Variants in MDGA2 observed in about 807,000 individuals in gnomAD.
MDGA2 encodes MAM domain containing glycosylphosphatidylinositol anchor 2, also known as MAM domain-containing glycosylphosphatidylinositol anchor protein 2.
Under a neutral mutation model 117.8 loss-of-function variants are expected in MDGA2, and 40 were observed. The observed-to-expected ratio is 0.34, with a 90% CI of 0.26 to 0.44. The LOEUF (loss-of-function observed/expected upper bound fraction) is 0.44. Ranked by LOEUF, MDGA2 falls within the 20% of genes least tolerant of loss-of-function variation. The probability of loss-of-function intolerance (pLI) is 1.00; values close to 1 mark genes in which losing one functional copy is unlikely to be tolerated. For synonymous variants in MDGA2, 452 were observed against 439.0 expected (o/e 1.03, Z -0.37); for missense variants, 1,123 against 1,250.6 (o/e 0.90, Z 1.54).
intron 1 of MDGA2, among the ~76,000 whole-genome samples, chr14:47,557,495 C>A (rs1895706575): frequency 6.6e-6 from 1 of 152,120 alleles, no homozygotes; most frequent in Non-Finnish European, 1.5e-5. Context: ...AGAAAAGACC[C>A]TTTCATGACA....
At chr14:47,560,678 T>C (rs1402125888) in intron 1 of MDGA2, among the ~76,000 whole-genome samples, 1 of 152,198 alleles carries the variant, frequency 6.6e-6, no homozygotes, top group Non-Finnish European at 1.5e-5. Context: ...CTGTTGATAG[T>C]TTCTTTTGCT....
chr14:47,375,042 C>G (rs1430389570), intron 1 of MDGA2, among the ~76,000 whole-genome samples: 2 of 151,644 alleles, frequency 1.3e-5, no homozygotes, highest in African/African-American at 4.8e-5. Context: ...TAATTTATTT[C>G]TAAGCATTTA....
At chr14:47,565,938 G>C (rs1350081238) in intron 1 of MDGA2, among the ~76,000 whole-genome samples, 1 of 152,212 alleles carries the variant, frequency 6.6e-6, no homozygotes, top group Non-Finnish European at 1.5e-5. Flanking sequence ...GTTTGGAGTG[G>C]GGGTGGTGTT....
rs113427111 is a variant in MDGA2, at chr14:47,131,766, A to T, written c.873T>A (p.Asn291Lys). 6.3e-7 allele frequency: 1 copy of T among 1,588,470 alleles called. No individual in the cohort carries two copies. Among genetic ancestry groups the T allele is most frequent in the African/African-American group, 1.3e-5 (1 of 74,676 alleles). Reference protein sequence around the residue: ...ANYSCIASVRNVCNIPDKMVS... With the variant: ...ANYSCIASVRKVCNIPDKMVS... ...CCATCTTATCAGGAATATTACATAC[A>T]TTCCTCACTGAAGCAATGCAGCTAT... Residue 291 changes from asparagine (N) to lysine (K), a missense_variant, in exon 5 of 17, where the codon AAT (asparagine) becomes AAA (lysine). Transcript: ENST00000399232.
chr14:47,336,961 C>T (rs1158093071), intron 1 of MDGA2, among the ~76,000 whole-genome samples: 1 of 151,922 alleles, frequency 6.6e-6, no homozygotes, highest in Admixed American at 6.6e-5. Flanking sequence ...ACCATTCTTT[C>T]ATTTCTTCTT....
intron 8 of MDGA2, among the ~76,000 whole-genome samples, chr14:46,974,273 T>C (rs2138346116): frequency 6.6e-6 from 1 of 152,242 alleles, no homozygotes; most frequent in South Asian, 2.1e-4. Flanking sequence ...TTGGAAGACC[T>C]AATATTGTTA....
intron 1 of MDGA2, among the ~76,000 whole-genome samples, chr14:47,652,236 T>C (rs954103382): frequency 5.3e-5 from 8 of 152,344 alleles, no homozygotes; most frequent in African/African-American, 1.7e-4. Flanking sequence ...TTTCTTTTGC[T>C]ATAAAGTACT....
intron 2 of MDGA2, among the ~76,000 whole-genome samples, chr14:47,243,131 C>T (rs1222341970): frequency 2.0e-5 from 3 of 151,690 alleles, no homozygotes; most frequent in African/African-American, 7.2e-5. Context: ...CACCAATCAG[C>T]ACCCTGTGTT....
At chr14:47,550,700 G>A (rs1183261323) in intron 1 of MDGA2, among the ~76,000 whole-genome samples, 1 of 151,876 alleles carries the variant, frequency 6.6e-6, no homozygotes, top group Non-Finnish European at 1.5e-5. Flanking sequence ...CACTATATGA[G>A]ACTGCATCTT....
intron 1 of MDGA2, among the ~76,000 whole-genome samples, chr14:47,428,255 T>C (rs1298872931): frequency 2.0e-5 from 3 of 152,158 alleles, no homozygotes; most frequent in East Asian, 3.9e-4. Context: ...ATTAGTATCA[T>C]TCAGTCATTC....
intron 1 of MDGA2, among the ~76,000 whole-genome samples, chr14:47,628,204 T>G (rs567859027): frequency 3.9e-5 from 6 of 152,360 alleles, no homozygotes; most frequent in African/African-American, 1.4e-4. Flanking sequence ...ACTTTCTCAG[T>G]AATTCTCCTC....
intron 1 of MDGA2, among the ~76,000 whole-genome samples, chr14:47,403,994 T>C (rs1251591176): frequency 6.6e-6 from 1 of 152,100 alleles, no homozygotes; most frequent in Non-Finnish European, 1.5e-5. Context: ...TGTCCACTCT[T>C]CATCAAACTC....
chr14:47,449,928 A>AT (rs1174149600), intron 1 of MDGA2, among the ~76,000 whole-genome samples: 8 of 151,776 alleles, frequency 5.3e-5, no homozygotes, highest in South Asian at 4.2e-4. Context: ...AAATTGTTTC[A>AT]TTTTTTTTGC....
chr14:46,880,069 C>T (rs12884962), intron 11 of MDGA2, among the ~76,000 whole-genome samples: 26,913 of 151,830 alleles, frequency 0.18, 3,115 homozygotes, highest in Non-Finnish European at 0.25. Flanking sequence ...GGCTCATGCC[C>T]GTAATCCAAG....
intron 1 of MDGA2, among the ~76,000 whole-genome samples, chr14:47,368,851 A>C (rs1891286188): frequency 6.6e-6 from 1 of 152,148 alleles, no homozygotes; most frequent in African/African-American, 2.4e-5. Flanking sequence ...GACTTTAAAA[A>C]ATTTAACCTA....
At chr14:47,562,710 T>C (rs2138803490) in intron 1 of MDGA2, among the ~76,000 whole-genome samples, 1 of 152,348 alleles carries the variant, frequency 6.6e-6, no homozygotes, top group East Asian at 1.9e-4. Context: ...GTGTGGGTTT[T>C]TGCATTTCAA....
At chr14:47,010,641 A>G (rs1887866552) in intron 8 of MDGA2, among the ~76,000 whole-genome samples, 1 of 151,998 alleles carries the variant, frequency 6.6e-6, no homozygotes, top group Non-Finnish European at 1.5e-5. Flanking sequence ...TAAATTTTGC[A>G]TTGTATTGTT....
At chr14:47,624,883 T>C (rs1022763983) in intron 1 of MDGA2, among the ~76,000 whole-genome samples, 1 of 152,220 alleles carries the variant, frequency 6.6e-6, no homozygotes, top group East Asian at 1.9e-4. Flanking sequence ...TAAGTGAATT[T>C]TGAATATATG....
intron 10 of MDGA2, among the ~76,000 whole-genome samples, chr14:46,891,337 A>T (rs35473187): frequency 0.17 from 25,229 of 150,966 alleles, 2,973 homozygotes; most frequent in Non-Finnish European, 0.25. Flanking sequence ...ATAAAAATGA[A>T]GAGAAAAGAG....
Sources: allele counts gnomAD v4.1 joint callset (sites outside exome capture counted in the v4.1 genomes callset), GRCh38; gene constraint gnomAD v4.1.1; transcripts MANE v1.5; gene names NCBI Gene and HGNC (gene_info 2026-07-23, HGNC 2026-07-21).